Variants in IL12RB2 observed in about 807,000 individuals in gnomAD.
IL12RB2 encodes the protein interleukin 12 receptor subunit beta 2.
In IL12RB2, 82 loss-of-function variants were observed where a neutral mutation model predicts 89.4. The ratio of observed to expected loss-of-function variants is 0.92; its 90% confidence interval spans 0.77 to 1.10. The LOEUF (loss-of-function observed/expected upper bound fraction) is 1.10. IL12RB2 is among the 50% of genes least tolerant of loss of function. IL12RB2 has a pLI of 0.00. For missense variants in IL12RB2, 963 were observed against 1,031.9 expected, an observed-to-expected ratio of 0.93 and a Z score of 0.92; for synonymous variants, 368 against 370.1, an observed-to-expected ratio of 0.99 and a Z score of 0.07.
At chr1:67,319,258 A>G (rs996077673) in intron 2 of IL12RB2, among the ~76,000 whole-genome samples, 1 of 152,188 alleles carries the variant, frequency 6.6e-6, no homozygotes, top group African/African-American at 2.4e-5. Flanking sequence ...AGCCTACTTT[A>G]TGAATTTTTG....
At chr1:67,385,155 TC>T (rs761394718) in intron 14 of IL12RB2, among the ~76,000 whole-genome samples, 18 of 152,188 alleles carry the variant, frequency 1.2e-4, no homozygotes, top group Non-Finnish European at 1.3e-4. Flanking sequence ...TAAGGACATA[TC>T]TGAGACTGGG....
chr1:67,370,263 T>G (rs1267783237), intron 11 of IL12RB2, among the ~76,000 whole-genome samples: 1 of 152,110 alleles, frequency 6.6e-6, no homozygotes, highest in Non-Finnish European at 1.5e-5. Flanking sequence ...TGGGGCAGAT[T>G]TGGACATTTT....
intron 10 of IL12RB2, among the ~76,000 whole-genome samples, chr1:67,361,996 C>T (rs551095936): frequency 2.6e-5 from 4 of 152,308 alleles, no homozygotes; most frequent in African/African-American, 4.8e-5. Context: ...GCAGGCCTGG[C>T]GCGGTGGCTC....
At chr1:67,368,518 C>A (rs1662952276) in intron 11 of IL12RB2, among the ~76,000 whole-genome samples, 1 of 152,240 alleles carries the variant, frequency 6.6e-6, no homozygotes, top group Admixed American at 6.5e-5. Flanking sequence ...TTGTGTAATA[C>A]TAAATCCAGA....
chr1:67,368,970 C>G (rs2100991646), intron 11 of IL12RB2, among the ~76,000 whole-genome samples: 1 of 152,308 alleles, frequency 6.6e-6, no homozygotes, highest in South Asian at 2.1e-4. Flanking sequence ...GGTTTTCAAG[C>G]TCTAAATCCT....
chr1:67,316,538 A>G (rs1655795107), intron 2 of IL12RB2, among the ~76,000 whole-genome samples: 1 of 152,128 alleles, frequency 6.6e-6, no homozygotes, highest in Non-Finnish European at 1.5e-5. Flanking sequence ...GTGGTTTCCC[A>G]TACATTTGAG....
intron 13 of IL12RB2, among the ~76,000 whole-genome samples, chr1:67,376,703 C>CGTGTGTGTGTGT (rs59880609): frequency 6.6e-6 from 1 of 150,790 alleles, no homozygotes; most frequent in Non-Finnish European, 1.5e-5. Context: ...AATATGTGTG[C>CGTGTGTGTGTGT]GTGTGTGTGT....
intron 13 of IL12RB2, among the ~76,000 whole-genome samples, chr1:67,377,103 T>C (rs1157885136): frequency 1.3e-5 from 2 of 151,936 alleles, no homozygotes; most frequent in Admixed American, 6.6e-5. Flanking sequence ...TTGGGTGGAG[T>C]AGAGGTAATA....
Position 67,348,669 on chromosome 1 carries a change from T to TA in IL12RB2, c.1039-2188dup, listed in dbSNP as rs200575943. Among the ~76,000 whole-genome samples the TA allele has an allele frequency of 5.2e-3, 749 of 142,946 alleles. 2 individuals carry two copies. Among genetic ancestry groups the TA allele is most frequent in the African/African-American group, 0.016 (630 of 39,014 alleles). The allele number at this position is 142,946 out of a possible 152,430, so 93.8% of individuals were successfully genotyped here. Reference sequence around the variant, plus strand: ...CAAACTTTATGTTGCCTTAAAAAATTAAAAAAAAAAAAACCCTGAACTGAT... The same window carrying TA: ...CAAACTTTATGTTGCCTTAAAAAATTAAAAAAAAAAAAAACCCTGAACTGAT... On this transcript the variant is annotated intron_variant, in intron 9 of 16. Coordinates refer to ENST00000674203, the MANE Select transcript of IL12RB2 (RefSeq NM_001374259.2).
chr1:67,341,542 A>G (rs1210614310), intron 9 of IL12RB2, among the ~76,000 whole-genome samples: 3 of 27,760 alleles, frequency 1.1e-4, no homozygotes, highest in Admixed American at 1.0e-3. Context: ...AAAGAAAGAA[A>G]GAAAGAAAGA....
At chr1:67,329,025 T>A (rs1268878866) in intron 6 of IL12RB2, among the ~76,000 whole-genome samples, 1 of 152,220 alleles carries the variant, frequency 6.6e-6, no homozygotes, top group Non-Finnish European at 1.5e-5. Flanking sequence ...TCTCTTTCCA[T>A]GGCACTTCTC....
chr1:67,329,738 CT>C lies in IL12RB2; in HGVS notation c.807+12del. On this transcript the variant is annotated intron_variant, in intron 7 of 16. Transcript: ENST00000674203. ...GCAGGCTCTGGAATATGGTAATTAT[CT>C]TTAGAGTGAAGGAAAAAACACTGAA... is the stretch of plus-strand genomic sequence containing the variant. 6.3e-7 allele frequency: 1 copy of C among 1,594,556 alleles called. No individual in the cohort carries two copies. Among genetic ancestry groups the C allele is most frequent in the Non-Finnish European group, 8.6e-7 (1 of 1,162,326 alleles).
Position 67,390,088 on chromosome 1 carries a change from C to T in IL12RB2, c.2006C>T (p.Pro669Leu), listed in dbSNP as rs767618933. 1 of 1,376,560 alleles carries T rather than the reference C, an allele frequency of 7.3e-7. No homozygotes were observed. Among genetic ancestry groups the T allele is most frequent in the South Asian group, 1.2e-5 (1 of 86,282 alleles). The allele number at this position is 1,376,560 out of a possible 1,614,324, so 85.3% of individuals were successfully genotyped here. Reference protein sequence around the residue: ...PQWCSREIPDPANSTCAKKYP... With the variant: ...PQWCSREIPDLANSTCAKKYP... ...TGGTGTAGCAGAGAAATTCCAGATC[C>T]AGCAAATAGCACTTGCGCTAAGAAA... The change falls in exon 16 of 17, where the codon CCA becomes CTA. Residue 669 changes from proline to leucine, a missense_variant. Coordinates refer to ENST00000674203, the MANE Select transcript of IL12RB2 (RefSeq NM_001374259.2).
chr1:67,368,391 G>T (rs1197877862), intron 11 of IL12RB2, among the ~76,000 whole-genome samples: 1 of 152,062 alleles, frequency 6.6e-6, no homozygotes, highest in African/African-American at 2.4e-5. Flanking sequence ...TTAACCCTGT[G>T]GGGAGTTCAT....
At chr1:67,333,242 T>TA (rs1242559569) in intron 8 of IL12RB2, among the ~76,000 whole-genome samples, 1 of 152,206 alleles carries the variant, frequency 6.6e-6, no homozygotes, top group Non-Finnish European at 1.5e-5. Context: ...TTTCACCCCT[T>TA]ACCCGCTGTT....
chr1:67,363,540 T>C (rs937487447), intron 10 of IL12RB2, among the ~76,000 whole-genome samples: 1 of 151,862 alleles, frequency 6.6e-6, no homozygotes, highest in Non-Finnish European at 1.5e-5. Flanking sequence ...TTAATTGACC[T>C]AATAGATAGC....
chr1:67,344,227 A>G (rs989622510), intron 9 of IL12RB2, among the ~76,000 whole-genome samples: 11 of 152,266 alleles, frequency 7.2e-5, no homozygotes, highest in African/African-American at 2.7e-4. Context: ...AGCCACATGC[A>G]TGATTAAAAA....
chr1:67,376,535 T>C (rs573509644), intron 13 of IL12RB2, among the ~76,000 whole-genome samples: 3 of 152,308 alleles, frequency 2.0e-5, no homozygotes, highest in South Asian at 4.1e-4. Context: ...GCCTCTTTTA[T>C]CTCTGCCAGA....
intron 1 of IL12RB2, among the ~76,000 whole-genome samples, chr1:67,308,209 G>A (rs1654536650): frequency 6.6e-6 from 1 of 152,046 alleles, no homozygotes; most frequent in Non-Finnish European, 1.5e-5. Context: ...GAGGTACTGG[G>A]TGGTGGTTTG....
Sources: gnomAD v4.1 joint callset for allele counts (sites outside exome capture counted in the v4.1 genomes callset) on GRCh38, gnomAD v4.1.1 for gene constraint, MANE v1.5 for transcripts, NCBI Gene and HGNC (gene_info 2026-07-23, HGNC 2026-07-21) for gene names.